PGCKA1: variants seen among roughly 807,000 people sequenced by gnomAD.
PGCKA1 encodes PDCD10 and GCKIII kinases associated 1, also known as PDCD10 and GCKIII kinases-associated protein 1.
At chr4:37,505,661 A>G in the PGCKA1 span, among the ~76,000 whole-genome samples, 1 of 152,246 alleles carries the variant, frequency 6.6e-6, no homozygotes, top group African/African-American at 2.4e-5. Flanking sequence ...CCCTTATATT[A>G]CCATCAGATC....
the PGCKA1 span, among the ~76,000 whole-genome samples, chr4:37,502,425 G>A: frequency 6.6e-6 from 1 of 152,142 alleles, no homozygotes; most frequent in Non-Finnish European, 1.5e-5. Context: ...ATGCAGGTCT[G>A]TGTGTGCCCT....
the PGCKA1 span, among the ~76,000 whole-genome samples, chr4:37,490,021 AAAAAG>A: frequency 6.8e-4 from 103 of 152,288 alleles, no homozygotes; most frequent in East Asian, 1.7e-3. Context: ...TAACTTAAAA[AAAAAG>A]AAAAGAAAGA....
the PGCKA1 span, among the ~76,000 whole-genome samples, chr4:37,520,641 G>A: frequency 6.6e-5 from 10 of 151,006 alleles, no homozygotes; most frequent in Non-Finnish European, 2.9e-5. Flanking sequence ...TTTTTGAGAC[G>A]GAGTCTCACT....
chr4:37,496,317 A>T, the PGCKA1 span, among the ~76,000 whole-genome samples: 1 of 152,150 alleles, frequency 6.6e-6, no homozygotes. Context: ...AATTTTCTGC[A>T]TATGGCAAGC....
chr4:37,584,343 G>A, the PGCKA1 span: 1 of 152,264 alleles, frequency 6.6e-6, no homozygotes, highest in Non-Finnish European at 1.5e-5. Flanking sequence ...CCAGGAAGAG[G>A]CTGTCCCCGC....
the PGCKA1 span, among the ~76,000 whole-genome samples, chr4:37,540,354 G>T: frequency 3.3e-4 from 50 of 152,268 alleles, no homozygotes; most frequent in African/African-American, 1.2e-3. Flanking sequence ...GAAAGTTTTT[G>T]TACTTTAAAA....
the PGCKA1 span, among the ~76,000 whole-genome samples, chr4:37,523,382 C>A: frequency 6.6e-6 from 1 of 150,680 alleles, no homozygotes; most frequent in Non-Finnish European, 1.5e-5. Context: ...GTTGGTGATT[C>A]AGGACTTTTT....
chr4:37,488,810 A>G, the PGCKA1 span, among the ~76,000 whole-genome samples: 7 of 151,970 alleles, frequency 4.6e-5, no homozygotes, highest in Non-Finnish European at 7.4e-5. Flanking sequence ...TCCATCTCCT[A>G]TCAACATAAC....
At chr4:37,579,240 A>C in the PGCKA1 span, among the ~76,000 whole-genome samples, 1 of 152,118 alleles carries the variant, frequency 6.6e-6, no homozygotes, top group African/African-American at 2.4e-5. Context: ...GTCTTGAAAA[A>C]TTTTTGTTAT....
At chr4:37,542,821 T>C in the PGCKA1 span, among the ~76,000 whole-genome samples, 1 of 152,194 alleles carries the variant, frequency 6.6e-6, no homozygotes, top group Non-Finnish European at 1.5e-5. Flanking sequence ...ATAATCTCTA[T>C]TATATCATTG....
chr4:37,590,601 G>A, the PGCKA1 span: 1 of 1,614,176 alleles, frequency 6.2e-7, no homozygotes, highest in East Asian at 2.2e-5. Context: ...ATGTCTTCCA[G>A]ATACCAGCCC....
chr4:37,565,897 C>T, the PGCKA1 span, among the ~76,000 whole-genome samples: 1 of 152,236 alleles, frequency 6.6e-6, no homozygotes, highest in Admixed American at 6.5e-5. Flanking sequence ...CAGCTCCCAG[C>T]GAATATAAAG....
the PGCKA1 span, among the ~76,000 whole-genome samples, chr4:37,466,536 A>G: frequency 6.6e-6 from 1 of 152,220 alleles, no homozygotes; most frequent in Non-Finnish European, 1.5e-5. Flanking sequence ...GCTGCTGTGT[A>G]GGAAGAAGGC....
chr4:37,484,959 A>G, the PGCKA1 span, among the ~76,000 whole-genome samples: 1 of 152,262 alleles, frequency 6.6e-6, no homozygotes, highest in South Asian at 2.1e-4. Flanking sequence ...TAGAGAGTCA[A>G]AACAGTATGG....
chr4:37,567,455 TGCAGATTA>T, the PGCKA1 span, among the ~76,000 whole-genome samples: 42 of 152,344 alleles, frequency 2.8e-4, no homozygotes, highest in African/African-American at 9.6e-4. Flanking sequence ...ATTCGCGTGT[TGCAGATTA>T]GGCCACTGAA....
At chr4:37,460,592 T>C in the PGCKA1 span, 1 of 453,582 alleles carries the variant, frequency 2.2e-6, no homozygotes, top group East Asian at 7.0e-5. Flanking sequence ...TGATCAGTGA[T>C]GAGCTTTTTT....
At chr4:37,570,429 CAA>C in the PGCKA1 span, among the ~76,000 whole-genome samples, 74 of 117,534 alleles carry the variant, frequency 6.3e-4, no homozygotes, top group Non-Finnish European at 7.7e-4. Context: ...ATGTTTCTGC[CAA>C]AAAAAAAAAA....
the PGCKA1 span, among the ~76,000 whole-genome samples, chr4:37,571,165 A>G: frequency 6.6e-5 from 10 of 152,072 alleles, no homozygotes; most frequent in African/African-American, 2.2e-4. Context: ...AACAAGCACC[A>G]AAGTCCCCCT....
the PGCKA1 span, among the ~76,000 whole-genome samples, chr4:37,523,847 CA>C: frequency 6.6e-6 from 1 of 152,106 alleles, no homozygotes; most frequent in Non-Finnish European, 1.5e-5. Context: ...CTTGGTGGTG[CA>C]TACAAGCAGA....
Sources: gnomAD v4.1 joint callset for allele counts (sites outside exome capture counted in the v4.1 genomes callset) on GRCh38, gnomAD v4.1.1 for gene constraint, MANE v1.5 for transcripts, NCBI Gene and HGNC (gene_info 2026-07-23, HGNC 2026-07-21) for gene names.